The following LRRC37A2 variants were observed in gnomAD, a reference collection of about 807,000 sequenced individuals.
LRRC37A2 encodes the protein leucine-rich repeat-containing protein 37A2.
A neutral mutation model predicts 68.8 loss-of-function variants in LRRC37A2; 9 were observed. The observed-to-expected ratio is 0.13, with a 90% confidence interval of 0.08 to 0.23. The LOEUF (loss-of-function observed/expected upper bound fraction) is 0.23, where lower values mean the gene tolerates loss of function less well. LRRC37A2 is among the 10% of genes least tolerant of loss of function. The pLI, the probability that LRRC37A2 is intolerant of heterozygous loss-of-function variation, is 1.00. For missense variants in LRRC37A2, 168 were observed against 950.4 expected, an observed-to-expected ratio of 0.18 and a Z score of 10.82; for synonymous variants, 63 against 367.6, an observed-to-expected ratio of 0.17 and a Z score of 9.48.
the LRRC37A2 span, chr17:46,749,660 A>G: frequency 3.0e-6 from 3 of 1,007,154 alleles, no homozygotes; most frequent in Admixed American, 7.9e-5. Flanking sequence ...TTGCCTAATC[A>G]TTTGCATCGG....
chr17:46,742,148 A>G, the LRRC37A2 span, among the ~76,000 whole-genome samples: 1 of 152,224 alleles, frequency 6.6e-6, no homozygotes, highest in Non-Finnish European at 1.5e-5. Context: ...GTCAATAGCT[A>G]ATCAATTGAT....
At chr17:46,941,923 G>A in the LRRC37A2 span, 2 of 985,228 alleles carry the variant, frequency 2.0e-6, no homozygotes, top group Non-Finnish European at 2.4e-6. Flanking sequence ...TGGAACCACT[G>A]TCTCCTAGAC....
At chr17:46,809,346 T>G in the LRRC37A2 span, among the ~76,000 whole-genome samples, 1 of 152,150 alleles carries the variant, frequency 6.6e-6, no homozygotes, top group Non-Finnish European at 1.5e-5. Context: ...CCTGCGAGAT[T>G]GGTTTTCCTT....
the LRRC37A2 span, among the ~76,000 whole-genome samples, chr17:46,759,403 T>C: frequency 1.3e-5 from 2 of 152,194 alleles, no homozygotes; most frequent in African/African-American, 4.8e-5. Flanking sequence ...GCGCCTGTGA[T>C]TGGCAAGCAT....
chr17:46,392,379 TTTTC>T, the LRRC37A2 span, among the ~76,000 whole-genome samples: 2 of 65,538 alleles, frequency 3.1e-5, no homozygotes, highest in Non-Finnish European at 7.1e-5. Context: ...GGCTAATTTA[TTTTC>T]TTTCTTTCTC....
chr17:46,802,947 T>TTA, the LRRC37A2 span, among the ~76,000 whole-genome samples: 1 of 152,150 alleles, frequency 6.6e-6, no homozygotes, highest in Admixed American at 6.5e-5. Flanking sequence ...GAACCCTGAT[T>TTA]TATAGCAGGT....
the LRRC37A2 span, among the ~76,000 whole-genome samples, chr17:46,610,998 CAAAAAA>C: frequency 9.0e-6 from 1 of 110,876 alleles, no homozygotes; most frequent in African/African-American, 5.0e-5. Context: ...CAGAATTTAC[CAAAAAA>C]AATTGGAACT....
chr17:47,047,721 C>T, the LRRC37A2 span, among the ~76,000 whole-genome samples: 3 of 152,002 alleles, frequency 2.0e-5, no homozygotes, highest in Non-Finnish European at 4.4e-5. Flanking sequence ...ACAAGTGATG[C>T]TGTTTTATTT....
At chr17:46,921,794 C>T in the LRRC37A2 span, among the ~76,000 whole-genome samples, 1 of 152,162 alleles carries the variant, frequency 6.6e-6, no homozygotes, top group Non-Finnish European at 1.5e-5. Flanking sequence ...TACCATCTCA[C>T]ACCAGTTAGA....
At chr17:46,923,711 C>T in the LRRC37A2 span, 3 of 530,170 alleles carry the variant, frequency 5.7e-6, no homozygotes, top group South Asian at 9.6e-5. Flanking sequence ...AAATTGCTGT[C>T]CACGTAGCAT....
At chr17:46,736,766 T>A in the LRRC37A2 span, among the ~76,000 whole-genome samples, 22,656 of 152,216 alleles carry the variant, frequency 0.15, 3,350 homozygotes, top group East Asian at 0.6. Context: ...ATGTATAATA[T>A]ATTTTTAACC....
chr17:46,534,945 G>A (rs1197665908), intron 6 of LRRC37A2, among the ~76,000 whole-genome samples: 17 of 148,960 alleles, frequency 1.1e-4, no homozygotes, highest in African/African-American at 2.1e-4. Context: ...GCTGCCAGGC[G>A]TAGGGGCTCC....
the LRRC37A2 span, among the ~76,000 whole-genome samples, chr17:46,807,876 G>T: frequency 6.6e-6 from 1 of 152,244 alleles, no homozygotes; most frequent in South Asian, 2.1e-4. Context: ...AGGGAAGCAT[G>T]CTTTATCAGA....
At chr17:46,803,424 C>T in the LRRC37A2 span, among the ~76,000 whole-genome samples, 1 of 152,156 alleles carries the variant, frequency 6.6e-6, no homozygotes, top group South Asian at 2.1e-4. Context: ...ATCCCAGCTA[C>T]TCGCAAGGCT....
At chr17:46,843,785 C>G in the LRRC37A2 span, among the ~76,000 whole-genome samples, 1 of 152,202 alleles carries the variant, frequency 6.6e-6, no homozygotes, top group African/African-American at 2.4e-5. Context: ...CTAGTTTACA[C>G]TTATATAGAT....
At chr17:46,844,554 T>G in the LRRC37A2 span, among the ~76,000 whole-genome samples, 1 of 152,102 alleles carries the variant, frequency 6.6e-6, no homozygotes, top group Non-Finnish European at 1.5e-5. Flanking sequence ...GGTGTGGTGG[T>G]GGCCGATTTC....
the LRRC37A2 span, among the ~76,000 whole-genome samples, chr17:46,708,645 C>A: frequency 6.7e-6 from 1 of 149,846 alleles, no homozygotes; most frequent in Non-Finnish European, 1.5e-5. Context: ...GCACCCATCA[C>A]CATGCCCGGC....
the LRRC37A2 span, chr17:46,872,655 C>A: frequency 6.2e-7 from 1 of 1,613,662 alleles, no homozygotes; most frequent in Non-Finnish European, 8.5e-7. Context: ...GGAGGGAGCC[C>A]GGCCTGGCTG....
chr17:47,018,876 G>T, the LRRC37A2 span: 1 of 1,519,574 alleles, frequency 6.6e-7, no homozygotes, highest in Non-Finnish European at 9.1e-7. Flanking sequence ...GACAGAGGTT[G>T]AACTTTCTCC....
Sources: allele counts gnomAD v4.1 joint callset (sites outside exome capture counted in the v4.1 genomes callset), GRCh38; gene constraint gnomAD v4.1.1; transcripts MANE v1.5; gene names NCBI Gene and HGNC (gene_info 2026-07-23, HGNC 2026-07-21).